PARD3: variants seen among roughly 807,000 people sequenced by gnomAD.
PARD3 encodes partitioning defective 3 homolog.
In PARD3, 75 loss-of-function variants were observed where a neutral mutation model predicts 155.4. The ratio of observed to expected loss-of-function variants is 0.48; its 90% CI spans 0.40 to 0.58. PARD3 has a LOEUF of 0.58. Among genes scored for constraint, PARD3 ranks in the 20% least tolerant of loss-of-function variants. PARD3 has a pLI of 0.00. For missense variants in PARD3, 1,642 were observed against 1,721.7 expected, an observed-to-expected ratio of 0.95 and a Z score of 0.82; for synonymous variants, 576 against 610.5, an observed-to-expected ratio of 0.94 and a Z score of 0.83.
intron 1 of PARD3, among the ~76,000 whole-genome samples, chr10:34,807,428 C>T (rs1189771204): frequency 6.6e-6 from 1 of 152,186 alleles, no homozygotes; most frequent in Non-Finnish European, 1.5e-5. Flanking sequence ...TGAAAGTATA[C>T]ACTTGAATAG....
intron 1 of PARD3, among the ~76,000 whole-genome samples, chr10:34,730,637 T>C (rs982237362): frequency 1.3e-5 from 2 of 152,040 alleles, no homozygotes; most frequent in Non-Finnish European, 2.9e-5. Flanking sequence ...ATTTAAAAAT[T>C]AGCCATGTGT....
chr10:34,344,317 C>G, intron 15 of PARD3: 2 of 937,416 alleles, frequency 2.1e-6, no homozygotes, highest in Non-Finnish European at 2.5e-6. Context: ...GAGTCTCACT[C>G]TGTTGCCCAG....
intron 2 of PARD3, among the ~76,000 whole-genome samples, chr10:34,694,422 G>A (rs995338893): frequency 2.7e-5 from 4 of 150,120 alleles, no homozygotes; most frequent in African/African-American, 9.8e-5. Context: ...AAGGAGAAAC[G>A]GCACCAAGAA....
At chr10:34,144,765 T>G (rs548410545) in intron 22 of PARD3, among the ~76,000 whole-genome samples, 11 of 152,136 alleles carry the variant, frequency 7.2e-5, no homozygotes, top group Non-Finnish European at 1.3e-4. Context: ...ATAGCAAAAT[T>G]TATATGAAAA....
intron 12 of PARD3, among the ~76,000 whole-genome samples, chr10:34,371,514 AAAAAAAAAAAAAAAAAAAC>A (rs771095603): frequency 0.038 from 3,884 of 101,088 alleles, 347 homozygotes; most frequent in African/African-American, 0.046. Context: ...AAAAAAAAAA[AAAAAAAAAAAAAAAAAAAC>A]AACGAAGGAA....
At chr10:34,501,736 C>T (rs1233717452) in intron 3 of PARD3, among the ~76,000 whole-genome samples, 1 of 150,668 alleles carries the variant, frequency 6.6e-6, no homozygotes, top group Non-Finnish European at 1.5e-5. Flanking sequence ...CTCCTCCCCG[C>T]CAAAAAAAAA....
chr10:34,568,073 T>C (rs1386588387), intron 2 of PARD3, among the ~76,000 whole-genome samples: 2 of 152,200 alleles, frequency 1.3e-5, no homozygotes, highest in Admixed American at 6.5e-5. Context: ...AATATTCTGC[T>C]CTCTCACCTC....
intron 1 of PARD3, among the ~76,000 whole-genome samples, chr10:34,766,442 A>T (rs901384890): frequency 6.6e-6 from 1 of 152,192 alleles, no homozygotes; most frequent in African/African-American, 2.4e-5. Context: ...GGAAGTGTCA[A>T]ATCTGACTCC....
At chr10:34,490,445 C>T (rs1282981899) in intron 3 of PARD3, among the ~76,000 whole-genome samples, 1 of 151,462 alleles carries the variant, frequency 6.6e-6, no homozygotes, top group Non-Finnish European at 1.5e-5. Context: ...AAACAAAATG[C>T]TCGTGCTTCA....
At chr10:34,578,936 T>C (rs546596923) in intron 2 of PARD3, among the ~76,000 whole-genome samples, 7 of 152,350 alleles carry the variant, frequency 4.6e-5, no homozygotes, top group African/African-American at 9.6e-5. Context: ...GGGAGCTAGA[T>C]AGCCTAAGCA....
At chr10:34,491,738 A>G (rs2079922547) in intron 3 of PARD3, among the ~76,000 whole-genome samples, 1 of 152,242 alleles carries the variant, frequency 6.6e-6, no homozygotes, top group Non-Finnish European at 1.5e-5. Context: ...TTGAGGAGAT[A>G]AAGCACTTTA....
rs1206832497 is a variant in PARD3, at chr10:34,109,608, AAGCTGTTTCTCAC to A, written c.*1548_*1560del. On this transcript the variant is annotated 3_prime_UTR_variant, in exon 25 of 25. Coordinates refer to ENST00000374788, the MANE Select transcript of PARD3 (RefSeq NM_001184785.2). ...ATTAGGAGTTGCATATGTACAGAGA[AAGCTGTTTCTCAC>A]AGCTCAGGGGAGGCTGTGAGAAAGA... 6.6e-6 allele frequency: 1 copy of A among 152,124 alleles called. No individual in the cohort carries two copies. Among genetic ancestry groups the A allele is most frequent in the African/African-American group, 2.4e-5 (1 of 41,430 alleles). The allele number at this position is 152,124 out of a possible 1,614,324, so 9.4% of individuals were successfully genotyped here. A position where few individuals can be genotyped will look rare whatever the true frequency, so the allele number is the denominator to read the frequency against.
intron 19 of PARD3, among the ~76,000 whole-genome samples, chr10:34,330,607 G>C (rs945581775): frequency 6.6e-6 from 1 of 152,032 alleles, no homozygotes; most frequent in African/African-American, 2.4e-5. Context: ...TTGATCTCAG[G>C]ATGACTTCAC....
chr10:34,150,980 G>T (rs1475487672), intron 22 of PARD3, among the ~76,000 whole-genome samples: 1 of 152,148 alleles, frequency 6.6e-6, no homozygotes, highest in African/African-American at 2.4e-5. Context: ...AAGAGGGAAA[G>T]AAATTGTATC....
chr10:34,712,608 G>T (rs574952357), intron 1 of PARD3, among the ~76,000 whole-genome samples: 6 of 152,300 alleles, frequency 3.9e-5, no homozygotes, highest in African/African-American at 1.4e-4. Flanking sequence ...CGCTAACCTG[G>T]AAATCCACAT....
intron 2 of PARD3, among the ~76,000 whole-genome samples, chr10:34,611,221 AAATT>A (rs772030890): frequency 2.0e-5 from 3 of 152,202 alleles, no homozygotes; most frequent in Non-Finnish European, 4.4e-5. Flanking sequence ...ATGGCTGGTA[AAATT>A]AATTATAGCT....
At chr10:34,796,196 C>A (rs1842228525) in intron 1 of PARD3, among the ~76,000 whole-genome samples, 1 of 152,174 alleles carries the variant, frequency 6.6e-6, no homozygotes. Flanking sequence ...AAAGTCCCAG[C>A]TGAGCCCAAC....
chr10:34,775,158 G>C (rs887838556), intron 1 of PARD3, among the ~76,000 whole-genome samples: 6 of 152,182 alleles, frequency 3.9e-5, no homozygotes, highest in Non-Finnish European at 8.8e-5. Flanking sequence ...TCATATGACA[G>C]AGCAGCTGCT....
At chr10:34,225,156 A>G (rs2133506579) in intron 22 of PARD3, among the ~76,000 whole-genome samples, 1 of 152,362 alleles carries the variant, frequency 6.6e-6, no homozygotes, top group Non-Finnish European at 1.5e-5. Context: ...GGGAACACAG[A>G]CATATACACA....
Sources: gnomAD v4.1 joint callset for allele counts (sites outside exome capture counted in the v4.1 genomes callset) on GRCh38, gnomAD v4.1.1 for gene constraint, MANE v1.5 for transcripts, NCBI Gene and HGNC (gene_info 2026-07-23, HGNC 2026-07-21) for gene names.